The following THBS2 variants were observed in gnomAD, a reference collection of about 807,000 sequenced individuals.
THBS2 encodes thrombospondin 2, also known as thrombospondin-2.
Under a neutral mutation model 135.2 loss-of-function variants are expected in THBS2, and 47 were observed. The ratio of observed to expected loss-of-function variants is 0.35; its 90% confidence interval spans 0.28 to 0.44. The LOEUF is 0.44. Among genes scored for constraint, THBS2 ranks in the 20% least tolerant of loss-of-function variants. The pLI is 1.00. For missense variants in THBS2, 1,288 were observed against 1,603.1 expected, an observed-to-expected ratio of 0.80 and a Z score of 3.36; for synonymous variants, 639 against 633.8, an observed-to-expected ratio of 1.01 and a Z score of -0.12.
chr6:169,250,007 G>A (rs1193778204), intron 2 of THBS2, among the ~76,000 whole-genome samples: 1 of 151,742 alleles, frequency 6.6e-6, no homozygotes, highest in Non-Finnish European at 1.5e-5. Context: ...TCCAGCCTGG[G>A]TGACAGAGCA....
chr6:169,240,533 C>T lies in THBS2; in HGVS notation c.951G>A (p.Met317Ile), dbSNP rs992618383. The T allele has an allele frequency of 1.2e-6, 2 of 1,614,064 alleles. No homozygotes were observed. Among genetic ancestry groups the T allele is most frequent in the African/African-American group, 1.3e-5 (1 of 75,052 alleles). ...LIGGPPKTRN[M>I]SACWQDGRFF... is the part of the protein sequence containing the mutation. The stretch of plus-strand genomic sequence containing the variant: ...ACCGGCCATCCTGCCAGCAAGCTGA[C>T]ATGTTCCTTGTCTTAGGAGGGCCAC... The change falls in exon 6 of 22, where the codon ATG becomes ATA. Residue 317 changes from methionine (M) to isoleucine (I), a missense_variant. Met to Ile is a conservative substitution (Grantham distance 10, BLOSUM62 1). This residue lies in a region of THBS2 where 414 missense variants were observed against 447.0 expected (regional missense o/e 0.93). Coordinates refer to ENST00000617924, the MANE Select transcript of THBS2 (RefSeq NM_003247.5).
intron 3 of THBS2, 30 bp from the exon 4 acceptor site, chr6:169,246,311 G>A: frequency 6.4e-7 from 1 of 1,568,948 alleles, no homozygotes; most frequent in Admixed American, 1.7e-5. Context: ...GAAAAATAGA[G>A]CAACAGATAA....
intron 12 of THBS2, among the ~76,000 whole-genome samples, 183 bp downstream of exon 12, chr6:169,232,481 C>G (rs554855496): frequency 4.4e-4 from 65 of 146,108 alleles, no homozygotes; most frequent in African/African-American, 1.6e-3. Flanking sequence ...CTGAGCACGC[C>G]CCGCACCCCG....
intron 1 of THBS2, 28 bp from the exon 2 acceptor site, chr6:169,250,834 G>T: frequency 6.4e-7 from 1 of 1,565,410 alleles, no homozygotes; most frequent in Non-Finnish European, 8.7e-7. Context: ...CCTTGTTAGT[G>T]ATGAGTCCAC....
At chr6:169,232,514 G>A (rs1779879883) in intron 12 of THBS2, 150 bp downstream of exon 12, 6 of 1,347,646 alleles carry the variant, frequency 4.5e-6, no homozygotes, top group Non-Finnish European at 6.1e-6. Flanking sequence ...CGGCCCAGCC[G>A]AGCAGGTGCT....
At chr6:169,247,935 T>C (rs11756439) in intron 3 of THBS2, among the ~76,000 whole-genome samples, 38,095 of 151,422 alleles carry the variant, frequency 0.25, 4,976 homozygotes, top group South Asian at 0.35. Flanking sequence ...ATGAATGGTG[T>C]TTATGTGCGT....
At chr6:169,251,530 G>A (rs1780753969) in intron 1 of THBS2, among the ~76,000 whole-genome samples, 1 of 152,140 alleles carries the variant, frequency 6.6e-6, no homozygotes, top group Non-Finnish European at 1.5e-5. Context: ...TAACCCTGTG[G>A]ATCTCAGCTT....
chr6:169,248,878 G>A lies in THBS2; in HGVS notation c.148C>T (p.Pro50Ser), dbSNP rs780447828. 5 of 1,612,752 alleles carry A rather than the reference G, an allele frequency of 3.1e-6. No individual in the cohort carries two copies. The highest frequency in any genetic ancestry group is 4.2e-6 in the Non-Finnish European group (5 of 1,180,038). Reference protein sequence around the residue: ...IGAKQFRGPDPGVPAYRFVRF... With the variant: ...IGAKQFRGPDSGVPAYRFVRF... The stretch of plus-strand genomic sequence containing the variant: ...ACGAAGCGGTAAGCCGGCACGCCGG[G>A]GTCGGGCCCGCGGAACTGCTTGGCG... Residue 50 changes from proline (P) to serine (S), a missense_variant, in exon 3 of 22, where the codon CCC becomes TCC. Pro to Ser is a moderately conservative substitution (Grantham distance 74). This residue lies in a region of THBS2 where 414 missense variants were observed against 447.0 expected (regional missense o/e 0.93). Coordinates refer to ENST00000617924, the MANE Select transcript of THBS2 (RefSeq NM_003247.5).
At position 169,232,158 on chromosome 6, in the gene THBS2, T is replaced by C. The variant is rs77790262; in HGVS notation, c.1973A>G (p.Asn658Ser). The C allele has an allele frequency of 6.2e-7, 1 of 1,613,890 alleles. No homozygotes were observed. The part of the protein sequence containing the change: ...PENPCKDKTH[N>S]CHKHAECIYL... ...GATGCACTCCGCGTGCTTGTGGCAG[T>C]TGTGTGTCTTGTCCTTGCATGGGTT... The change falls in exon 13 of 22, where the codon AAC becomes AGC. Residue 658 changes from asparagine to serine, a missense_variant. Physicochemically the swap from Asn to Ser is conservative, Grantham distance 46 (BLOSUM62 1). This residue lies in a region of THBS2 where 874 missense variants were observed against 1,156.1 expected (regional missense o/e 0.76). Transcript: ENST00000617924.
chr6:169,219,346 G>GGATGGAGGGATGA (rs1779333019), intron 21 of THBS2, among the ~76,000 whole-genome samples: 1 of 129,052 alleles, frequency 7.7e-6, no homozygotes, highest in Non-Finnish European at 1.6e-5. Flanking sequence ...GTGGGTGGAT[G>GGATGGAGGGATGA]GATGGATGGT....
rs781588133 is a variant in THBS2 at position 169,234,767 on chromosome 6, G to A, written c.1618C>T (p.Arg540Cys). ...GKACVGDVQE[R>C]QMCNKRSCPV... ...CAGCTCCTCTTGTTGCACATCTGAC[G>A]CTCCTGCACATCCCCCACGCAGGCC... The change falls in exon 10 of 22, where the codon CGT (arginine) becomes TGT (cysteine). Residue 540 changes from arginine to cysteine, a missense_variant. Around this residue, in one of 2 missense-constraint regions of THBS2, gnomAD observed 874 missense variants for 1,156.1 expected, o/e 0.76. Coordinates refer to ENST00000617924, the MANE Select transcript of THBS2 (RefSeq NM_003247.5). 1.0e-5 allele frequency: 16 copies of A among 1,597,552 alleles called. No homozygotes were observed. The highest frequency in any genetic ancestry group is 3.4e-5 in the Admixed American group (2 of 58,964).
chr6:169,220,219 C>G lies in THBS2; in HGVS notation c.3490G>C (p.Asp1164His). The G allele has an allele frequency of 1.2e-6, 2 of 1,613,818 alleles. No homozygotes were observed. The highest frequency in any genetic ancestry group is 1.7e-6 in the Non-Finnish European group (2 of 1,179,874). The stretch of plus-strand genomic sequence containing the variant: ...TCACCTCTGCATTCGTACTTGAGGT[C>G]TGAGAAATAGACCATTTCTTGAGAG... ...VFSQEMVYFS[D>H]LKYECRDI Residue 1164 changes from aspartate to histidine, a missense_variant, in exon 21 of 22, where the codon GAC (aspartate) becomes CAC (histidine). Around this residue, in one of 2 missense-constraint regions of THBS2, gnomAD observed 874 missense variants for 1,156.1 expected, o/e 0.76. Transcript: ENST00000617924.
At position 169,241,947 on chromosome 6, in the gene THBS2, C is replaced by T. The variant is rs202062355; in HGVS notation, c.706G>A (p.Ala236Thr). 5.0e-5 allele frequency: 81 copies of T among 1,609,120 alleles called. No individual in the cohort carries two copies. The highest frequency in any genetic ancestry group is 4.8e-4 in the African/African-American group (36 of 75,014). ...AGCGTCTCTGTGTTCTCACTGATGG[C>T]GTTGATCTCAGCTGAGGGCAAGCGT... ...CQQGQGAEIN[A>T]ISENTETLRL... Residue 236 changes from alanine to threonine, a missense_variant, in exon 5 of 22, where the codon GCC becomes ACC. By Grantham distance (58) the Ala-to-Thr change is moderately conservative. This residue lies in a region of THBS2 where 414 missense variants were observed against 447.0 expected (regional missense o/e 0.93). Transcript: ENST00000617924. This position sits in a 1 kb window ranked among gnomAD's most constrained non-coding sequence, Gnocchi z 5.5.
intron 7 of THBS2, among the ~76,000 whole-genome samples, chr6:169,238,602 A>G (rs1019286410): frequency 6.6e-6 from 1 of 152,240 alleles, no homozygotes; most frequent in African/African-American, 2.4e-5. Context: ...AGGCACTTTT[A>G]CGCATATTGA....
At chr6:169,232,513 C>G (rs57999146) in intron 12 of THBS2, 151 bp downstream of exon 12, 193,509 of 1,328,306 alleles carry the variant, frequency 0.15, 14,555 homozygotes, top group Admixed American at 0.21. Context: ...GCGGCCCAGC[C>G]GAGCAGGTGC....
intron 9 of THBS2, among the ~76,000 whole-genome samples, chr6:169,236,292 T>TC (rs1207556150): frequency 1.3e-5 from 1 of 76,276 alleles, no homozygotes; most frequent in African/African-American, 5.6e-5. Flanking sequence ...CCACACTCAT[T>TC]CCCATCCACA....
chr6:169,242,948 C>CA (rs1780398664), intron 4 of THBS2, among the ~76,000 whole-genome samples: 2 of 64,448 alleles, frequency 3.1e-5, no homozygotes, highest in Non-Finnish European at 5.9e-5. Flanking sequence ...ACCTTCCCAC[C>CA]TTCCCACCTT....
At position 169,217,507 on chromosome 6, in the gene THBS2, T is replaced by G. The variant is rs1274615366; in HGVS notation, c.*315A>C. The G allele has an allele frequency of 5.2e-6, 2 of 383,328 alleles. No individual in the cohort carries two copies. The highest frequency in any genetic ancestry group is 9.3e-6 in the Non-Finnish European group (2 of 214,722). The allele number at this position is 383,328 out of a possible 1,614,324, so 23.7% of individuals were successfully genotyped here. On this transcript the variant is annotated 3_prime_UTR_variant, in exon 22 of 22. Transcript: ENST00000617924. Reference sequence around the variant, plus strand: ...ACAATAAGTAATTACATTTTATATGTAAACGTCATTCTTTTTAAACAAACA... The same window carrying G: ...ACAATAAGTAATTACATTTTATATGGAAACGTCATTCTTTTTAAACAAACA...
Position 169,217,084 on chromosome 6 carries a change from A to G in THBS2, c.*738T>C, listed in dbSNP as rs1779198630. ...CCTTTTACTTAAATGAGGTTTTGCC[A>G]AATCCACATCTGGAACCGCGTCACA... On this transcript the variant is annotated 3_prime_UTR_variant, in exon 22 of 22. Coordinates refer to ENST00000617924, the MANE Select transcript of THBS2 (RefSeq NM_003247.5). 1 of 152,270 alleles carries G rather than the reference A, an allele frequency of 6.6e-6. No homozygotes were observed. The highest frequency in any genetic ancestry group is 1.5e-5 in the Non-Finnish European group (1 of 68,046). The allele number at this position is 152,270 out of a possible 1,614,324, so 9.4% of individuals were successfully genotyped here. A position where few individuals can be genotyped will look rare whatever the true frequency, so the allele number is the denominator to read the frequency against.
Sources: allele counts gnomAD v4.1 joint callset (sites outside exome capture counted in the v4.1 genomes callset), GRCh38; gene constraint gnomAD v4.1.1; regional missense constraint gnomAD v4.1.1; non-coding constraint Gnocchi (gnomAD v3.1); transcripts MANE v1.5; gene names NCBI Gene and HGNC (gene_info 2026-07-23, HGNC 2026-07-21).